Variants in PCDHGB3 observed in about 807,000 individuals in gnomAD.
PCDHGB3 encodes the protein protocadherin gamma subfamily B, 3.
In PCDHGB3, 40 loss-of-function variants were observed where a neutral mutation model predicts 59.2. The observed-to-expected ratio is 0.68, with a 90% confidence interval of 0.52 to 0.88. The LOEUF (loss-of-function observed/expected upper bound fraction) is 0.88, where lower values mean the gene tolerates loss of function less well. PCDHGB3 is among the 40% of genes least tolerant of loss of function. PCDHGB3 has a pLI of 0.00. For synonymous variants in PCDHGB3, 581 were observed against 503.6 expected (o/e 1.15, Z -2.06); for missense variants, 1,309 against 1,187.9 (o/e 1.10, Z -1.50).
At position 141,476,764 on chromosome 5, in the gene PCDHGB3, G is replaced by A. The variant is rs570982273; in HGVS notation, c.2416-18043G>A. 1.2e-6 allele frequency: 2 copies of A among 1,613,794 alleles called. No homozygotes were observed. Reference sequence around the variant, plus strand: ...CTAGTCTCCAGTTAGTGCTGACGGCGTTGGACGGAGGGACCCCAGCTCTCT... The same window carrying A: ...CTAGTCTCCAGTTAGTGCTGACGGCATTGGACGGAGGGACCCCAGCTCTCT... On this transcript the variant is annotated intron_variant, in intron 1 of 3. Coordinates refer to ENST00000576222, the MANE Select transcript of PCDHGB3 (RefSeq NM_018924.5). The surrounding 1 kb of genome is among the most constrained non-coding windows in gnomAD (Gnocchi z 7.6).
chr5:141,415,017 G>A lies in PCDHGB3; in HGVS notation c.2415+42208G>A, dbSNP rs1344566574. ...CCTGGCTGTCCTACCGTCTGCTCAA[G>A]GCCAGCGAGCCGGGACTCTTCGCGG... On this transcript the variant is annotated intron_variant, in intron 1 of 3. Transcript: ENST00000576222. The A allele has an allele frequency of 1.9e-6, 3 of 1,613,574 alleles. No homozygotes were observed. In the Admixed American group the frequency reaches 5.0e-5, roughly 27 times the overall value.
rs764156663 is a variant in PCDHGB3 at position 141,382,871 on chromosome 5, G to A, written c.2415+10062G>A. 2.6e-6 allele frequency: 4 copies of A among 1,520,506 alleles called. No individual in the cohort carries two copies. The South Asian group carries it at 4.0e-5, about 15-fold the overall frequency. 94.2% of individuals were successfully genotyped at this position (1,520,506 alleles called of 1,614,324 possible). On this transcript the variant is annotated intron_variant, in intron 1 of 3. Coordinates refer to ENST00000576222, the MANE Select transcript of PCDHGB3 (RefSeq NM_018924.5). ...GCATTCTGAAGCACTTCCCGAGATC[G>A]GCGCCTAAGCAAGAGAAGCAGGACG... is the stretch of plus-strand genomic sequence containing the variant.
rs969397099 is a variant in PCDHGB3, at chr5:141,477,807, C to T, written c.2416-17000C>T. 6.2e-6 allele frequency: 10 copies of T among 1,613,932 alleles called. No homozygotes were observed. Among genetic ancestry groups the T allele is most frequent in the African/African-American group, 1.3e-5 (1 of 74,922 alleles). ...TTTGTCACTGATCGCAATGACAATG[C>T]CCCCCAGGTCCTATATCCTCGGCCA... is the stretch of plus-strand genomic sequence containing the variant. On this transcript the variant is annotated intron_variant, in intron 1 of 3. Transcript: ENST00000576222. The surrounding 1 kb of genome is among the most constrained non-coding windows in gnomAD (Gnocchi z 4.9).
In PCDHGB3 at chr5:141,432,039, G is replaced by A; in HGVS notation, c.2415+59230G>A. 1 of 1,614,176 alleles carries A rather than the reference G, an allele frequency of 6.2e-7. No individual in the cohort carries two copies. The highest frequency in any genetic ancestry group is 8.5e-7 in the Non-Finnish European group (1 of 1,180,028). ...AACATCACAGTGACCGCCACTGACC[G>A]GGGAACCCCGCCCCTATCCACGGAA... On this transcript the variant is annotated intron_variant, in intron 1 of 3. Coordinates refer to ENST00000576222, the MANE Select transcript of PCDHGB3 (RefSeq NM_018924.5). This position sits in a 1 kb window ranked among gnomAD's most constrained non-coding sequence, Gnocchi z 6.0.
intron 1 of PCDHGB3, chr5:141,388,812 G>C (rs775037681): frequency 6.2e-7 from 1 of 1,613,934 alleles, no homozygotes. Flanking sequence ...TTTTGAAGAA[G>C]TCAAAGAATA....
intron 1 of PCDHGB3, chr5:141,478,432 G>T (rs1238011675): frequency 6.2e-7 from 1 of 1,613,728 alleles, no homozygotes; most frequent in Admixed American, 1.7e-5. Context: ...GCGACCCGCT[G>T]CTGAAGAAAC....
rs770249472 is a variant in PCDHGB3, at chr5:141,477,747, C to T, written c.2416-17060C>T. On this transcript the variant is annotated intron_variant, in intron 1 of 3. Transcript: ENST00000576222. The surrounding 1 kb of genome is among the most constrained non-coding windows in gnomAD (Gnocchi z 4.9). ...ACAGCTCATATCAGCGATGGGGGCA[C>T]CCCGGTCCTAGCCACCAACATCAGC... 6.2e-7 allele frequency: 1 copy of T among 1,613,840 alleles called. No individual in the cohort carries two copies. The highest frequency in any genetic ancestry group is 1.7e-5 in the Admixed American group (1 of 60,026).
At position 141,394,145 on chromosome 5, in the gene PCDHGB3, C is replaced by T. The variant is rs754958885; in HGVS notation, c.2415+21336C>T. The T allele has an allele frequency of 3.7e-6, 6 of 1,613,962 alleles. No homozygotes were observed. The East Asian group carries it at 8.9e-5, about 24-fold the overall frequency. On this transcript the variant is annotated intron_variant, in intron 1 of 3. Transcript: ENST00000576222. ...CTCAAATCGCTCTGCACGTGGCAGA[C>T]ATTAACGACAACCCTCCTACTTTCC...
intron 1 of PCDHGB3, chr5:141,391,541 G>T (rs2092385789): frequency 6.6e-6 from 1 of 152,056 alleles, no homozygotes; most frequent in South Asian, 2.1e-4. Flanking sequence ...GGTTTCCATT[G>T]TCTACCCAGT....
chr5:141,404,909 C>CCT, intron 1 of PCDHGB3: 1 of 1,613,916 alleles, frequency 6.2e-7, no homozygotes, highest in Non-Finnish European at 8.5e-7. Context: ...TGGCCAGCCC[C>CCT]CTCTCTCGGC....
At chr5:141,397,546 T>C (rs576089094) in intron 1 of PCDHGB3, among the ~76,000 whole-genome samples, 2 of 152,300 alleles carry the variant, frequency 1.3e-5, no homozygotes, top group South Asian at 2.1e-4. Flanking sequence ...GAAATCAGTA[T>C]AGTATGAAGG....
chr5:141,483,887 C>G (rs147069309), intron 1 of PCDHGB3, among the ~76,000 whole-genome samples: 13 of 152,036 alleles, frequency 8.6e-5, no homozygotes, highest in Non-Finnish European at 1.2e-4. Context: ...TTTTCTATTT[C>G]TCTGAGCTCT....
At chr5:141,394,703 A>C (rs138625114) in intron 1 of PCDHGB3, 42,437 of 1,613,130 alleles carry the variant, frequency 0.026, 739 homozygotes, top group East Asian at 0.04. Flanking sequence ...GCACGGCGCG[A>C]GCCCTGCTGG....
chr5:141,409,546 C>T lies in PCDHGB3; in HGVS notation c.2415+36737C>T, dbSNP rs775680397. 19 of 1,613,880 alleles carry T rather than the reference C, an allele frequency of 1.2e-5. No individual in the cohort carries two copies. The South Asian group carries it at 2.0e-4, about 17-fold the overall frequency. ...TGTATGTCGCTGACATCAACGACAA[C>T]GCCCCAGTTTTCGACCAGACGTCCT... On this transcript the variant is annotated intron_variant, in intron 1 of 3. Coordinates refer to ENST00000576222, the MANE Select transcript of PCDHGB3 (RefSeq NM_018924.5).
chr5:141,433,837 C>CAAAAAA (rs56191208), intron 1 of PCDHGB3, among the ~76,000 whole-genome samples: 2 of 111,692 alleles, frequency 1.8e-5, no homozygotes, highest in Non-Finnish European at 3.9e-5. Context: ...AACTCTATCT[C>CAAAAAA]AAAAAAAAAA....
rs2099701571 is a variant in PCDHGB3, at chr5:141,490,550, A to G, written c.2416-4257A>G. On this transcript the variant is annotated intron_variant, in intron 1 of 3. Coordinates refer to ENST00000576222, the MANE Select transcript of PCDHGB3 (RefSeq NM_018924.5). This position sits in a 1 kb window ranked among gnomAD's most constrained non-coding sequence, Gnocchi z 5.4. ...GCTGGTTCACCTTCCCTACACAAACATCTCACCATCAGGCTCAACATTTCA... is the reference window on the plus strand; with the variant it reads ...GCTGGTTCACCTTCCCTACACAAACGTCTCACCATCAGGCTCAACATTTCA... 1 of 1,614,092 alleles carries G rather than the reference A, an allele frequency of 6.2e-7. No individual in the cohort carries two copies.
At chr5:141,380,936 C>G (rs905887369) in intron 1 of PCDHGB3, among the ~76,000 whole-genome samples, 1 of 152,194 alleles carries the variant, frequency 6.6e-6, no homozygotes, top group African/African-American at 2.4e-5. Flanking sequence ...ATACACTTTG[C>G]TTGCCTCAAC....
At chr5:141,390,003 C>T in intron 1 of PCDHGB3, 1 of 1,614,056 alleles carries the variant, frequency 6.2e-7, no homozygotes, top group Non-Finnish European at 8.5e-7. Flanking sequence ...GGCCATGATT[C>T]TGGCCATTGC....
At chr5:141,423,533 T>C (rs2096751691) in intron 1 of PCDHGB3, 1 of 1,613,650 alleles carries the variant, frequency 6.2e-7, no homozygotes, top group Non-Finnish European at 8.5e-7. Flanking sequence ...AAGAGTCACC[T>C]GATTTTCCCC....
Sources: gnomAD v4.1 joint callset for allele counts (sites outside exome capture counted in the v4.1 genomes callset) on GRCh38, gnomAD v4.1.1 for gene constraint, Gnocchi (gnomAD v3.1) non-coding constraint, MANE v1.5 for transcripts, NCBI Gene and HGNC (gene_info 2026-07-23, HGNC 2026-07-21) for gene names.